RNPEP: variants seen among roughly 807,000 people sequenced by gnomAD.
RNPEP encodes arginyl aminopeptidase.
RNPEP carries 57 observed loss-of-function variants against 70.1 expected under a neutral mutation model. The observed-to-expected ratio is 0.81, with a 90% CI of 0.66 to 1.01. The LOEUF (loss-of-function observed/expected upper bound fraction) is 1.01, where lower values mean the gene tolerates loss of function less well. Ranked by LOEUF, RNPEP falls within the 50% of genes least tolerant of loss-of-function variation. The pLI, the probability that RNPEP is intolerant of heterozygous loss-of-function variation, is 0.00. For missense variants in RNPEP, 787 were observed against 852.4 expected (o/e 0.92, Z 0.96); for synonymous variants, 335 against 357.4 (o/e 0.94, Z 0.71).
At chr1:202,000,066 G>A in intron 6 of RNPEP, 51 bp downstream of exon 6, 1 of 1,366,628 alleles carries the variant, frequency 7.3e-7, no homozygotes, top group Non-Finnish European at 1.0e-6. Flanking sequence ...TGAGCTTGGA[G>A]CCCCAAGTTA....
At chr1:202,004,997 T>C (rs1683995470) in intron 10 of RNPEP, among the ~76,000 whole-genome samples, 1 of 152,200 alleles carries the variant, frequency 6.6e-6, no homozygotes, top group Non-Finnish European at 1.5e-5. Context: ...AGGGAGGGGC[T>C]GGACCGGAGA....
rs751553692 is a variant in RNPEP, at chr1:201,989,376, T to C, written c.589-7T>C. On this transcript the variant is annotated splice_polypyrimidine_tract_variant and splice_region_variant and intron_variant, in intron 2 of 10. Coordinates refer to ENST00000295640, the MANE Select transcript of RNPEP (RefSeq NM_020216.4). ...GGTAAAATCTCCTAAGCTTTCTCTG[T>C]TGTCAGGTCCCAGATGGCTTCACAG... 3 of 1,613,246 alleles carry C rather than the reference T, an allele frequency of 1.9e-6. No homozygotes were observed. Among genetic ancestry groups the C allele is most frequent in the Non-Finnish European group, 2.5e-6 (3 of 1,179,774 alleles).
At chr1:201,985,504 G>A (rs6689482) in intron 1 of RNPEP, among the ~76,000 whole-genome samples, 21,934 of 152,040 alleles carry the variant, frequency 0.14, 1,701 homozygotes, top group Admixed American at 0.2. Context: ...CCATCTGCCC[G>A]CTTTGGCATC....
intron 1 of RNPEP, chr1:201,983,626 C>A: frequency 8.2e-7 from 1 of 1,226,148 alleles, no homozygotes; most frequent in Non-Finnish European, 1.0e-6. Context: ...GGTTAAAGCT[C>A]TTATCTTTGT....
intron 3 of RNPEP, among the ~76,000 whole-genome samples, chr1:201,991,354 C>G (rs1202621746): frequency 1.3e-5 from 2 of 152,164 alleles, no homozygotes; most frequent in Admixed American, 6.5e-5. Flanking sequence ...ACCTCGTGAT[C>G]CATCCACCTC....
chr1:201,988,783 T>G, intron 1 of RNPEP, 121 bp from the exon 2 acceptor site: 1 of 1,221,554 alleles, frequency 8.2e-7, no homozygotes, highest in Non-Finnish European at 1.1e-6. Context: ...CAAACCAGAC[T>G]GGCTGGCGGA....
intron 1 of RNPEP, among the ~76,000 whole-genome samples, chr1:201,987,428 CTTTTTTT>C (rs200892295): frequency 1.4e-4 from 16 of 111,956 alleles, no homozygotes; most frequent in African/African-American, 4.2e-4. Flanking sequence ...TCAGATTTTA[CTTTTTTT>C]TTTTTTTTTT....
chr1:201,989,297 C>T (rs1010247022), intron 2 of RNPEP, 86 bp from the exon 3 acceptor site: 1 of 1,482,174 alleles, frequency 6.7e-7, no homozygotes, highest in Non-Finnish European at 9.2e-7. Context: ...TATCATCACA[C>T]ACAGGTGGCC....
intron 1 of RNPEP, among the ~76,000 whole-genome samples, chr1:201,988,124 G>A (rs1302474045): frequency 7.1e-6 from 1 of 140,020 alleles, no homozygotes; most frequent in Non-Finnish European, 1.5e-5. Context: ...TGGGCGACAA[G>A]AGTGAAACTC....
chr1:201,994,802 G>C (rs1683483991), intron 3 of RNPEP, among the ~76,000 whole-genome samples: 2 of 149,602 alleles, frequency 1.3e-5, no homozygotes, highest in South Asian at 4.3e-4. Flanking sequence ...AGGTAGCTGG[G>C]ATTACAGGCA....
intron 3 of RNPEP, among the ~76,000 whole-genome samples, chr1:201,994,610 A>G (rs1378722589): frequency 6.6e-6 from 1 of 151,478 alleles, no homozygotes; most frequent in Non-Finnish European, 1.5e-5. Context: ...GCTTCAGCAA[A>G]CGCAGAGGAA....
At chr1:201,995,347 C>T (rs1683507425) in intron 3 of RNPEP, among the ~76,000 whole-genome samples, 1 of 152,062 alleles carries the variant, frequency 6.6e-6, no homozygotes, top group South Asian at 2.1e-4. Context: ...TAACCACAAT[C>T]CCATTATTGT....
chr1:201,992,019 T>TCTCCCTCC (rs145553703), intron 3 of RNPEP, among the ~76,000 whole-genome samples: 1 of 150,478 alleles, frequency 6.6e-6, no homozygotes, highest in African/African-American at 2.5e-5. Context: ...CTTGTGCCTT[T>TCTCCCTCC]CTCCCTCCCT....
chr1:202,003,371 G>A lies in RNPEP; in HGVS notation c.1561G>A (p.Ala521Thr). 2 of 1,614,182 alleles carry A rather than the reference G, an allele frequency of 1.2e-6. No homozygotes were observed. Among genetic ancestry groups the A allele is most frequent in the Non-Finnish European group, 1.7e-6 (2 of 1,180,020 alleles). The change falls in exon 9 of 11, where the codon GCC (alanine) becomes ACC (threonine). Residue 521 changes from alanine (A) to threonine (T), a missense_variant. Ala to Thr is a moderately conservative substitution (Grantham distance 58). Transcript: ENST00000295640. The part of the protein sequence containing the change: ...LWAAEELDMK[A>T]IEAVAISPWK... ...GGCAGCCGAGGAGCTGGACATGAAG[G>A]CCATTGAAGCCGTGGCCATCTCTCC...
intron 5 of RNPEP, among the ~76,000 whole-genome samples, chr1:201,997,814 A>G (rs1321538352): frequency 1.4e-5 from 2 of 144,388 alleles, no homozygotes; most frequent in African/African-American, 5.1e-5. Context: ...CCCAGGCTGG[A>G]GTGCAATGGC....
chr1:202,001,771 A>G lies in RNPEP; in HGVS notation c.1426+4A>G. 1.3e-6 allele frequency: 2 copies of G among 1,535,864 alleles called. No individual in the cohort carries two copies. Among genetic ancestry groups the G allele is most frequent in the Non-Finnish European group, 1.8e-6 (2 of 1,108,810 alleles). ...AAGAGAGTGGATATCATTCCAGGTA[A>G]GCAGAGGAACTGGCCCACAGGCTTC... is the stretch of plus-strand genomic sequence containing the variant. On this transcript the variant is annotated splice_donor_region_variant and intron_variant, in intron 8 of 10. Transcript: ENST00000295640.
At chr1:201,997,612 A>G (rs1683609571) in intron 5 of RNPEP, 58 bp downstream of exon 5, 3 of 1,321,596 alleles carry the variant, frequency 2.3e-6, no homozygotes, top group East Asian at 2.3e-5. Context: ...CTGTGGGGCC[A>G]GTGTGATCTC....
chr1:201,984,821 C>CTTTTTTTTTTTTTTTTTTTTTTTT (rs200795347), intron 1 of RNPEP, among the ~76,000 whole-genome samples: 4 of 121,998 alleles, frequency 3.3e-5, no homozygotes, highest in African/African-American at 6.5e-5. Flanking sequence ...GTATTTCTTT[C>CTTTTTTTTTTTTTTTTTTTTTTTT]TTTTTTTTTT....
chr1:202,000,797 G>A (rs1683763687), intron 6 of RNPEP, among the ~76,000 whole-genome samples: 1 of 151,848 alleles, frequency 6.6e-6, no homozygotes, highest in South Asian at 2.1e-4. Context: ...GGGAGGCTGA[G>A]GCAGGAGAAT....
Sources: allele counts gnomAD v4.1 joint callset (sites outside exome capture counted in the v4.1 genomes callset), GRCh38; gene constraint gnomAD v4.1.1; transcripts MANE v1.5; gene names NCBI Gene and HGNC (gene_info 2026-07-23, HGNC 2026-07-21).